Variants in DNM3 observed in about 807,000 individuals in gnomAD.
The protein encoded by DNM3 is dynamin-3.
DNM3 carries 47 observed loss-of-function variants against 101.6 expected under a neutral mutation model. The ratio of observed to expected loss-of-function variants is 0.46; its 90% CI spans 0.37 to 0.59. The LOEUF (loss-of-function observed/expected upper bound fraction) is 0.59, where lower values mean the gene tolerates loss of function less well. Among genes scored for constraint, DNM3 ranks in the 20% least tolerant of loss-of-function variants. DNM3 has a pLI of 0.00. For missense variants in DNM3, 849 were observed against 1,085.7 expected, an observed-to-expected ratio of 0.78 and a Z score of 3.06; for synonymous variants, 385 against 387.9, an observed-to-expected ratio of 0.99 and a Z score of 0.09.
intron 1 of DNM3, among the ~76,000 whole-genome samples, chr1:171,913,067 C>T (rs547377564): frequency 7.2e-5 from 11 of 152,238 alleles, no homozygotes; most frequent in African/African-American, 2.6e-4. Flanking sequence ...AGCATGTTTC[C>T]TGGTGGGGAG....
In DNM3 at chr1:171,854,912, A is replaced by G. The variant is rs2033430977; in HGVS notation, c.161+13095A>G. Among the ~76,000 whole-genome samples, 4 of 152,046 alleles carry G rather than the reference A, an allele frequency of 2.6e-5. No homozygotes were observed. In the South Asian group the frequency reaches 8.3e-4, roughly 32 times the overall value. ...ATTATTATTTTAGGTTCAGGGGCAC[A>G]TGTGCAGGTTTGTTTTATAGGTAAA... On this transcript the variant is annotated intron_variant, in intron 1 of 20. Coordinates refer to ENST00000627582, the MANE Select transcript of DNM3 (RefSeq NM_015569.5).
intron 4 of DNM3, among the ~76,000 whole-genome samples, chr1:172,008,253 T>A (rs1321165867): frequency 6.6e-6 from 1 of 152,022 alleles, no homozygotes; most frequent in East Asian, 1.9e-4. Flanking sequence ...TACTTTCTTA[T>A]TCTTATCCAA....
At chr1:171,992,199 C>T (rs1330840734) in intron 4 of DNM3, among the ~76,000 whole-genome samples, 2 of 152,132 alleles carry the variant, frequency 1.3e-5, no homozygotes, top group Non-Finnish European at 2.9e-5. Flanking sequence ...TATTTTACCC[C>T]TGTTGTGCAC....
chr1:172,371,082 T>C (rs2068297067), intron 17 of DNM3, among the ~76,000 whole-genome samples: 1 of 152,056 alleles, frequency 6.6e-6, no homozygotes, highest in African/African-American at 2.4e-5. Context: ...CATTCATTAA[T>C]GCTCTATTCT....
At chr1:172,283,048 A>G (rs940604904) in intron 15 of DNM3, among the ~76,000 whole-genome samples, 2 of 152,218 alleles carry the variant, frequency 1.3e-5, no homozygotes, top group African/African-American at 4.8e-5. Context: ...GTTACTGACA[A>G]TCAGGCAGAT....
At chr1:171,926,577 A>G (rs1290317976) in intron 2 of DNM3, among the ~76,000 whole-genome samples, 2 of 152,142 alleles carry the variant, frequency 1.3e-5, no homozygotes, top group African/African-American at 2.4e-5. Context: ...ACTGATATTT[A>G]TGTCTATCCT....
intron 8 of DNM3, among the ~76,000 whole-genome samples, chr1:172,043,168 A>C (rs906765296): frequency 2.0e-5 from 3 of 152,090 alleles, no homozygotes; most frequent in African/African-American, 7.2e-5. Flanking sequence ...GGGGTTTTGG[A>C]GATAAAGTTG....
rs560530346 is a variant in DNM3 at position 171,920,988 on chromosome 1, G to A, written c.162-760G>A. 7.2e-5 allele frequency among the ~76,000 whole-genome samples: 11 copies of A among 152,192 alleles called. No homozygotes were observed. In the East Asian group the frequency reaches 2.1e-3, roughly 29 times the overall value. On this transcript the variant is annotated intron_variant, in intron 1 of 20. Transcript: ENST00000627582. ...TGCACAGGCTGGAGTGCAGTGGTGC[G>A]ACATTGGCTCACTGCAACTCTGCCT...
intron 15 of DNM3, among the ~76,000 whole-genome samples, chr1:172,271,911 A>C (rs138557542): frequency 6.6e-6 from 1 of 152,260 alleles, no homozygotes; most frequent in African/African-American, 2.4e-5. Context: ...CTTATCAGAA[A>C]AAGGGAAGGT....
intron 13 of DNM3, among the ~76,000 whole-genome samples, chr1:172,098,932 G>T (rs1236100018): frequency 1.3e-5 from 2 of 152,202 alleles, no homozygotes; most frequent in Admixed American, 6.5e-5. Flanking sequence ...GGAAGGTCCT[G>T]TGCAGGTTAG....
At chr1:172,248,890 C>G (rs1303152220) in intron 14 of DNM3, among the ~76,000 whole-genome samples, 2 of 151,994 alleles carry the variant, frequency 1.3e-5, no homozygotes, top group Non-Finnish European at 2.9e-5. Context: ...ATTTTTATGC[C>G]TAGCATCATG....
At chr1:172,387,775 G>C (rs1321546446) in intron 19 of DNM3, among the ~76,000 whole-genome samples, 1 of 152,050 alleles carries the variant, frequency 6.6e-6, no homozygotes, top group African/African-American at 2.4e-5. Flanking sequence ...AAGGGGAAAA[G>C]ATATTTACAT....
chr1:172,106,844 A>ATTTTTTTTTTTTTTTTT (rs1289662689), intron 13 of DNM3, among the ~76,000 whole-genome samples: 7 of 51,066 alleles, frequency 1.4e-4, no homozygotes, highest in African/African-American at 4.8e-4. Context: ...AGGTAACATT[A>ATTTTTTTTTTTTTTTTT]TTCTTTTTTT....
chr1:172,033,769 T>C (rs760973199), intron 6 of DNM3, among the ~76,000 whole-genome samples: 3 of 152,158 alleles, frequency 2.0e-5, no homozygotes, highest in Non-Finnish European at 4.4e-5. Flanking sequence ...AAGATGCTTT[T>C]CTAGATAACC....
At chr1:172,260,753 T>A (rs911552025) in intron 15 of DNM3, among the ~76,000 whole-genome samples, 3 of 152,178 alleles carry the variant, frequency 2.0e-5, no homozygotes, top group Non-Finnish European at 4.4e-5. Context: ...TTTTTCAGAA[T>A]CTTCTTTTTT....
intron 4 of DNM3, among the ~76,000 whole-genome samples, chr1:172,019,298 A>G (rs10910924): frequency 0.15 from 23,021 of 151,424 alleles, 3,984 homozygotes; most frequent in African/African-American, 0.44. Context: ...CTAAGTTGAT[A>G]TTTTATTTCT....
chr1:172,088,492 A>G (rs750402261), intron 12 of DNM3, among the ~76,000 whole-genome samples: 1 of 152,100 alleles, frequency 6.6e-6, no homozygotes, highest in African/African-American at 2.4e-5. Context: ...CTGCCTTCAG[A>G]GTAACAGCCA....
chr1:172,126,222 G>C (rs1558610029), intron 13 of DNM3, among the ~76,000 whole-genome samples: 3 of 152,154 alleles, frequency 2.0e-5, no homozygotes, highest in Admixed American at 1.3e-4. Context: ...GGCTGGGATT[G>C]GACTACTGCT....
intron 20 of DNM3, among the ~76,000 whole-genome samples, chr1:172,396,266 C>A (rs543917308): frequency 1.7e-4 from 26 of 152,262 alleles, no homozygotes; most frequent in Middle Eastern, 3.4e-3. Flanking sequence ...GTCAAAATGG[C>A]AAGTAGCAAA....
Sources: allele counts gnomAD v4.1 joint callset (sites outside exome capture counted in the v4.1 genomes callset), GRCh38; gene constraint gnomAD v4.1.1; transcripts MANE v1.5; gene names NCBI Gene and HGNC (gene_info 2026-07-23, HGNC 2026-07-21).